The following PEX7 variants were observed in gnomAD, a reference collection of about 807,000 sequenced individuals.
PEX7 encodes peroxisomal biogenesis factor 7, also known as PTS2 receptor.
In PEX7, 34 loss-of-function variants were observed where a neutral mutation model predicts 47.5. That is an observed-to-expected ratio of 0.72 (90% CI 0.54 to 0.95). PEX7 has a LOEUF of 0.95. PEX7 is among the 40% of genes least tolerant of loss of function. The pLI is 0.00. For missense variants in PEX7, 394 were observed against 400.3 expected, an observed-to-expected ratio of 0.98 and a Z score of 0.13; for synonymous variants, 141 against 148.8, an observed-to-expected ratio of 0.95 and a Z score of 0.38.
chr6:136,862,045 A>T (rs1283348990), intron 5 of PEX7, among the ~76,000 whole-genome samples: 16 of 130,210 alleles, frequency 1.2e-4, no homozygotes, highest in South Asian at 4.4e-4. Context: ...TATATATATT[A>T]TATATATATA....
In PEX7 at chr6:136,833,387, C is replaced by T. The variant is rs138385607; in HGVS notation, c.339+6918C>T. On this transcript the variant is annotated intron_variant, in intron 3 of 9. Coordinates refer to ENST00000318471, the MANE Select transcript of PEX7 (RefSeq NM_000288.4). ...GGGGATTACAATTCAAGATGAGATC[C>T]GTATCAGGTGCCAATAAAAAATATT... Among the ~76,000 whole-genome samples the T allele has an allele frequency of 7.9e-5, 12 of 152,280 alleles. No individual in the cohort carries two copies. In the East Asian group the frequency reaches 2.1e-3, roughly 27 times the overall value.
chr6:136,862,021 A>T (rs1297297751), intron 5 of PEX7, among the ~76,000 whole-genome samples: 1 of 143,650 alleles, frequency 7.0e-6, no homozygotes, highest in Non-Finnish European at 1.5e-5. Context: ...TTCTGTATTT[A>T]TATATATATA....
chr6:136,845,686 C>T lies in PEX7; in HGVS notation c.411C>T (p.Val137=), dbSNP rs1249553891. 1.9e-6 allele frequency: 3 copies of T among 1,595,870 alleles called. No individual in the cohort carries two copies. In the South Asian group the frequency reaches 3.3e-5, roughly 18 times the overall value. Residue 137 remains valine (V), a synonymous_variant, in exon 4 of 10, where the codon GTC becomes GTT. Coordinates refer to ENST00000318471, the MANE Select transcript of PEX7 (RefSeq NM_000288.4). Reference sequence around the variant, plus strand: ...TGTCTGGCTCATGGGATCAAACTGTCAAATTGGTATGTTAGCATTATTGTA... The same window carrying T: ...TGTCTGGCTCATGGGATCAAACTGTTAAATTGGTATGTTAGCATTATTGTA... The part of the protein sequence containing the change: ...LVVSGSWDQT[V]KLWDPTVGKS...
In PEX7 at chr6:136,898,385, G is replaced by T. The variant is rs1775690317; in HGVS notation, c.903+144G>T. The T allele has an allele frequency of 4.4e-6, 3 of 676,006 alleles. No homozygotes were observed. In the Admixed American group the frequency reaches 6.7e-5, roughly 15 times the overall value. 41.9% of individuals were successfully genotyped at this position (676,006 alleles called of 1,614,324 possible). A position where few individuals can be genotyped will look rare whatever the true frequency, so the allele number is the denominator to read the frequency against. ...TGAGCATTAAACTACTAGGGAATAA[G>T]AGGTATCAAGAAAGTTGACATACCT... On this transcript the variant is annotated intron_variant, in intron 9 of 9. Coordinates refer to ENST00000318471, the MANE Select transcript of PEX7 (RefSeq NM_000288.4).
intron 3 of PEX7, among the ~76,000 whole-genome samples, chr6:136,831,871 C>G (rs140944340): frequency 6.6e-6 from 1 of 152,368 alleles, no homozygotes; most frequent in Non-Finnish European, 1.5e-5. Context: ...AAGGTGCAGT[C>G]CTTATGGCTG....
chr6:136,902,318 C>T (rs1184581120), intron 9 of PEX7, among the ~76,000 whole-genome samples: 2 of 152,138 alleles, frequency 1.3e-5, no homozygotes, highest in South Asian at 2.1e-4. Flanking sequence ...TATATATTCT[C>T]AGTCTTAAAA....
At chr6:136,822,826 G>A (rs1582730182) in intron 1 of PEX7, 31 bp downstream of exon 1, 1 of 1,180,956 alleles carries the variant, frequency 8.5e-7, no homozygotes, top group Non-Finnish European at 1.1e-6. Flanking sequence ...TGGGGCCGGG[G>A]GGCGGAGGCG....
At chr6:136,854,235 C>T (rs1372520285) in intron 5 of PEX7, among the ~76,000 whole-genome samples, 4 of 152,226 alleles carry the variant, frequency 2.6e-5, no homozygotes, top group Admixed American at 6.5e-5. Flanking sequence ...CTAGCTCTGT[C>T]GCCCAGGCTG....
At chr6:136,904,330 C>T (rs570329970) in intron 9 of PEX7, among the ~76,000 whole-genome samples, 6 of 152,256 alleles carry the variant, frequency 3.9e-5, no homozygotes, top group Admixed American at 1.3e-4. Flanking sequence ...TTGTTGTTTT[C>T]GCCAAGCCAT....
intron 5 of PEX7, among the ~76,000 whole-genome samples, chr6:136,855,536 C>T (rs1399006298): frequency 3.3e-5 from 5 of 152,112 alleles, no homozygotes; most frequent in South Asian, 2.1e-4. Context: ...GCCGGGCTTT[C>T]GCCTTGTTGG....
chr6:136,842,169 A>T (rs1774512635), intron 3 of PEX7, among the ~76,000 whole-genome samples: 2 of 151,196 alleles, frequency 1.3e-5, no homozygotes, highest in Non-Finnish European at 2.9e-5. Context: ...TAAATTTTAT[A>T]TGTTTAGTAG....
At chr6:136,895,484 C>G (rs1775632025) in intron 8 of PEX7, among the ~76,000 whole-genome samples, 1 of 152,190 alleles carries the variant, frequency 6.6e-6, no homozygotes, top group African/African-American at 2.4e-5. Context: ...TAGGTTGTCT[C>G]TGTTTAGTAA....
intron 5 of PEX7, among the ~76,000 whole-genome samples, chr6:136,854,078 AC>A (rs1194663466): frequency 4.3e-4 from 38 of 88,488 alleles, no homozygotes; most frequent in African/African-American, 1.3e-3. Context: ...AACATAGTTA[AC>A]CTTTACGGTT....
chr6:136,893,061 C>T (rs1775584471), intron 8 of PEX7, among the ~76,000 whole-genome samples: 1 of 152,076 alleles, frequency 6.6e-6, no homozygotes, highest in East Asian at 1.9e-4. Flanking sequence ...TGTATGGGAC[C>T]CCTCTTCACT....
At chr6:136,881,325 G>A (rs1775373058) in intron 8 of PEX7, among the ~76,000 whole-genome samples, 1 of 152,142 alleles carries the variant, frequency 6.6e-6, no homozygotes, top group Admixed American at 6.5e-5. Flanking sequence ...GATAGGTTAA[G>A]CAGTATGAAG....
intron 5 of PEX7, among the ~76,000 whole-genome samples, chr6:136,850,980 AT>A (rs1170511176): frequency 0.074 from 3,064 of 41,396 alleles, 105 homozygotes; most frequent in African/African-American, 0.17. Context: ...TTTTTTTTTT[AT>A]TTTTTTTTTA....
chr6:136,833,598 C>T (rs1245390830), intron 3 of PEX7, among the ~76,000 whole-genome samples: 1 of 151,918 alleles, frequency 6.6e-6, no homozygotes, highest in Non-Finnish European at 1.5e-5. Flanking sequence ...TTAGTCATGC[C>T]CAGCCATTCA....
intron 3 of PEX7, among the ~76,000 whole-genome samples, chr6:136,835,798 C>A (rs1351969071): frequency 3.3e-5 from 5 of 152,136 alleles, no homozygotes. Flanking sequence ...ATTTAAAAAA[C>A]CTTTAATAAA....
At chr6:136,829,400 G>A (rs1188413269) in intron 3 of PEX7, among the ~76,000 whole-genome samples, 1 of 152,138 alleles carries the variant, frequency 6.6e-6, no homozygotes, top group Non-Finnish European at 1.5e-5. Flanking sequence ...GAGAATGAGA[G>A]AGGTTTGGGA....
Sources: gnomAD v4.1 joint callset for allele counts (sites outside exome capture counted in the v4.1 genomes callset) on GRCh38, gnomAD v4.1.1 for gene constraint, MANE v1.5 for transcripts, NCBI Gene and HGNC (gene_info 2026-07-23, HGNC 2026-07-21) for gene names.